NOL4: variants seen among roughly 807,000 people sequenced by gnomAD.
The protein encoded by NOL4 is cancer/testis antigen 125.
NOL4 carries 17 observed loss-of-function variants against 75.9 expected under a neutral mutation model. The ratio of observed to expected loss-of-function variants is 0.22; its 90% CI spans 0.15 to 0.34. The LOEUF is 0.34. Ranked by LOEUF, NOL4 falls within the 10% of genes least tolerant of loss-of-function variation. The pLI is 1.00. For missense variants in NOL4, 614 were observed against 793.5 expected (o/e 0.77, Z 2.72); for synonymous variants, 292 against 289.9 (o/e 1.01, Z -0.07).
intron 1 of NOL4, among the ~76,000 whole-genome samples, chr18:34,196,924 CT>C (rs2035370546): frequency 6.6e-6 from 1 of 151,946 alleles, no homozygotes; most frequent in Admixed American, 6.6e-5. Context: ...TACTTTAGAA[CT>C]TTTTGAAATA....
intron 5 of NOL4, among the ~76,000 whole-genome samples, chr18:34,031,426 T>C (rs907203429): frequency 1.3e-5 from 2 of 152,224 alleles, no homozygotes; most frequent in Admixed American, 1.3e-4. Context: ...AGATATATCA[T>C]TGCTTGTTTC....
At position 34,223,246 on chromosome 18, in the gene NOL4, C is replaced by G. The variant is rs1367120715; in HGVS notation, c.8G>C (p.Ser3Thr). ...GAACTGGCGGTACATGTCGCGCTCG[C>G]TCTCCATGTTCCCCGCGCTCGGCCG... MESERDMYRQFQD... is the reference protein window; with the variant it reads METERDMYRQFQD... Residue 3 changes from serine (S) to threonine (T), a missense_variant, in exon 1 of 11, where the codon AGC becomes ACC. This residue lies in a region of NOL4 where 15 missense variants were observed against 18.2 expected (regional missense o/e 0.83). Coordinates refer to ENST00000261592, the MANE Select transcript of NOL4 (RefSeq NM_003787.5). The G allele has an allele frequency of 6.2e-7, 1 of 1,613,528 alleles. No individual in the cohort carries two copies. The highest frequency in any genetic ancestry group is 8.5e-7 in the Non-Finnish European group (1 of 1,179,942).
chr18:34,141,723 G>A (rs1726071356), intron 1 of NOL4, among the ~76,000 whole-genome samples: 2 of 152,032 alleles, frequency 1.3e-5, no homozygotes, highest in Non-Finnish European at 2.9e-5. Context: ...CTAAAACCAT[G>A]AAAACCTTAG....
chr18:33,867,649 AACACACAC>A lies in NOL4; in HGVS notation c.1724-14622_1724-14615del, dbSNP rs35491645. On this transcript the variant is annotated intron_variant, in intron 10 of 10. Coordinates refer to ENST00000261592, the MANE Select transcript of NOL4 (RefSeq NM_003787.5). The stretch of plus-strand genomic sequence containing the variant: ...TAAGACTCTAATGTGTGTGTATGTA[AACACACAC>A]ACACACACACACACACACACACAAT... Among the ~76,000 whole-genome samples, 425 of 148,760 alleles carry A rather than the reference AACACACAC, an allele frequency of 2.9e-3. 1 individual carries two copies. Among genetic ancestry groups the A allele is most frequent in the African/African-American group, 9.5e-3 (383 of 40,434 alleles).
intron 2 of NOL4, among the ~76,000 whole-genome samples, chr18:34,108,221 A>C (rs1419776834): frequency 6.6e-6 from 1 of 152,228 alleles, no homozygotes; most frequent in African/African-American, 2.4e-5. Flanking sequence ...AAAGATGAAG[A>C]AAAAGTAATC....
chr18:34,125,813 T>C (rs1284242829), intron 2 of NOL4, among the ~76,000 whole-genome samples: 3 of 152,118 alleles, frequency 2.0e-5, no homozygotes, highest in Non-Finnish European at 4.4e-5. Flanking sequence ...TTTAACAGAT[T>C]TAATCTTTGG....
chr18:33,957,288 T>C, intron 8 of NOL4, 38 bp downstream of exon 8: 2 of 1,457,054 alleles, frequency 1.4e-6, no homozygotes, highest in African/African-American at 1.4e-5. Context: ...TGTGGGATTT[T>C]GATGGAGTCT....
At chr18:33,884,783 A>G (rs1228997243) in intron 9 of NOL4, among the ~76,000 whole-genome samples, 1 of 152,138 alleles carries the variant, frequency 6.6e-6, no homozygotes, top group Non-Finnish European at 1.5e-5. Context: ...CAAAGGGGTG[A>G]AAACGAGGAA....
chr18:33,892,214 A>G (rs886271218), intron 9 of NOL4, among the ~76,000 whole-genome samples: 1 of 151,996 alleles, frequency 6.6e-6, no homozygotes, highest in Non-Finnish European at 1.5e-5. Context: ...AGATCACTTG[A>G]AGTCAGGAGT....
intron 6 of NOL4, among the ~76,000 whole-genome samples, chr18:34,016,434 T>C (rs753054436): frequency 6.6e-6 from 1 of 152,044 alleles, no homozygotes; most frequent in Non-Finnish European, 1.5e-5. Context: ...TATTAGACAA[T>C]CCGAAGTCCT....
Position 33,883,358 on chromosome 18 carries a change from C to G in NOL4, c.1609G>C (p.Ala537Pro), listed in dbSNP as rs1568003358. The G allele has an allele frequency of 6.2e-7, 1 of 1,613,332 alleles. No individual in the cohort carries two copies. The highest frequency in any genetic ancestry group is 8.5e-7 in the Non-Finnish European group (1 of 1,179,576). The change falls in exon 10 of 11, where the codon GCT (alanine) becomes CCT (proline). Residue 537 changes from alanine (A) to proline (P), a missense_variant. Ala to Pro is a conservative substitution (Grantham distance 27, BLOSUM62 -1). Around this residue, in one of 9 missense-constraint regions of NOL4, gnomAD observed 128 missense variants for 159.9 expected, o/e 0.80. Coordinates refer to ENST00000261592, the MANE Select transcript of NOL4 (RefSeq NM_003787.5). Reference protein sequence around the residue: ...EATQATYSTSAVPGSQDVLYI... With the variant: ...EATQATYSTSPVPGSQDVLYI... ...AGCACGTCCTGTGAGCCTGGAACAG[C>G]TGATGTTGAGTAAGTGGCCTGGGTC...
At chr18:33,984,103 CA>C (rs905282003) in intron 6 of NOL4, among the ~76,000 whole-genome samples, 5 of 151,156 alleles carry the variant, frequency 3.3e-5, no homozygotes, top group Non-Finnish European at 5.9e-5. Flanking sequence ...GTGAGAGGGT[CA>C]AAAAAAATGT....
intron 10 of NOL4, among the ~76,000 whole-genome samples, chr18:33,863,329 AG>A (rs2063267777): frequency 6.6e-6 from 1 of 152,070 alleles, no homozygotes; most frequent in African/African-American, 2.4e-5. Context: ...CTAGATGATG[AG>A]TTAATGGGTG....
chr18:34,183,110 C>G (rs892337125), intron 1 of NOL4, among the ~76,000 whole-genome samples: 1 of 151,570 alleles, frequency 6.6e-6, no homozygotes, highest in Non-Finnish European at 1.5e-5. Context: ...TTAAAAATGT[C>G]AAAATAAGTT....
At chr18:33,938,518 T>TTC (rs1382767547) in intron 9 of NOL4, among the ~76,000 whole-genome samples, 1 of 152,176 alleles carries the variant, frequency 6.6e-6, no homozygotes, top group Non-Finnish European at 1.5e-5. Flanking sequence ...TGATTTGCAT[T>TTC]TCTCTAATGA....
At chr18:33,898,072 C>A (rs765183582) in intron 9 of NOL4, among the ~76,000 whole-genome samples, 31 of 152,006 alleles carry the variant, frequency 2.0e-4, no homozygotes, top group Non-Finnish European at 4.1e-4. Flanking sequence ...CATACCCAGA[C>A]AATATATATT....
At chr18:33,855,578 T>C (rs1211161168) in intron 10 of NOL4, among the ~76,000 whole-genome samples, 1 of 152,048 alleles carries the variant, frequency 6.6e-6, no homozygotes, top group Non-Finnish European at 1.5e-5. Context: ...CCAAGGCAAC[T>C]TGCTAGGCCC....
intron 9 of NOL4, among the ~76,000 whole-genome samples, chr18:33,900,979 T>C (rs959894174): frequency 2.0e-5 from 3 of 152,186 alleles, no homozygotes; most frequent in Non-Finnish European, 2.9e-5. Context: ...GGTTTATAAG[T>C]AAATGAGTAC....
rs532382942 is a variant in NOL4, at chr18:34,058,638, T to C, written c.772+34827A>G. Reference sequence around the variant, plus strand: ...CTGTCATATTCCATCGTAATTATCATTAATATTGCAATCTTCATAACAAAT... The same window carrying C: ...CTGTCATATTCCATCGTAATTATCACTAATATTGCAATCTTCATAACAAAT... On this transcript the variant is annotated intron_variant, in intron 5 of 10. Transcript: ENST00000261592. 1.3e-5 allele frequency among the ~76,000 whole-genome samples: 2 copies of C among 152,290 alleles called. 1 individual carries two copies. Among genetic ancestry groups the C allele is most frequent in the South Asian group, 4.1e-4 (2 of 4,826 alleles).
Sources: gnomAD v4.1 joint callset for allele counts (sites outside exome capture counted in the v4.1 genomes callset) on GRCh38, gnomAD v4.1.1 for gene constraint, gnomAD v4.1.1 regional missense constraint, MANE v1.5 for transcripts, NCBI Gene and HGNC (gene_info 2026-07-23, HGNC 2026-07-21) for gene names.